Variants in CXorf38 observed in about 807,000 individuals in gnomAD.
CXorf38 encodes uncharacterized protein CXorf38.
In CXorf38, 13 loss-of-function variants were observed where a neutral mutation model predicts 27.5. The observed-to-expected ratio is 0.47, with a 90% CI of 0.31 to 0.75. The LOEUF (loss-of-function observed/expected upper bound fraction) is 0.75. Among genes scored for constraint, CXorf38 ranks in the 30% least tolerant of loss-of-function variants. CXorf38 has a pLI of 0.05. For synonymous variants in CXorf38, 100 were observed against 99.8 expected, an observed-to-expected ratio of 1.00 and a Z score of -0.01; for missense variants, 240 against 253.2, an observed-to-expected ratio of 0.95 and a Z score of 0.35.
rs1417001081 is a variant in CXorf38, at chrX:40,638,391, T to C, written c.471+618A>G. ...ATTATAACCAGTCCAGGTATAGCTATATACTCTTTCCAATGACCTTCAGGG... is the reference window on the plus strand; with the variant it reads ...ATTATAACCAGTCCAGGTATAGCTACATACTCTTTCCAATGACCTTCAGGG... On this transcript the variant is annotated intron_variant, in intron 3 of 6. Transcript: ENST00000327877. 2.9e-4 allele frequency among the ~76,000 whole-genome samples: 32 copies of C among 112,108 alleles called. No homozygotes were observed. In the Admixed American group the frequency reaches 3.0e-3, roughly 11 times the overall value.
At chrX:40,645,326 G>T (rs1928524070) in intron 2 of CXorf38, among the ~76,000 whole-genome samples, 1 of 111,261 alleles carries the variant, frequency 9.0e-6, no homozygotes, top group African/African-American at 3.3e-5. Flanking sequence ...GAGAGGATGG[G>T]GTTGGACTAG....
Position 40,637,000 on chromosome X carries a change from T to C in CXorf38, c.621+7A>G, listed in dbSNP as rs1355742936. On this transcript the variant is annotated splice_region_variant and intron_variant, in intron 4 of 6. Coordinates refer to ENST00000327877, the MANE Select transcript of CXorf38 (RefSeq NM_144970.3). Reference sequence around the variant, plus strand: ...TGTATGCCAGAACTATTAAACATGATTTTTACCTGTTCTATTCTGGAGTAT... The same window carrying C: ...TGTATGCCAGAACTATTAAACATGACTTTTACCTGTTCTATTCTGGAGTAT... 1 of 1,177,176 alleles carries C rather than the reference T, an allele frequency of 8.5e-7. No homozygotes were observed. Among genetic ancestry groups the C allele is most frequent in the Non-Finnish European group, 1.1e-6 (1 of 876,612 alleles).
Position 40,647,094 on chromosome X carries a change from C to A in CXorf38, c.264G>T (p.Leu88Phe), listed in dbSNP as rs988036372. 1.1e-5 allele frequency: 13 copies of A among 1,211,156 alleles called. No homozygotes were observed. Among genetic ancestry groups the A allele is most frequent in the Non-Finnish European group, 1.5e-5 (13 of 895,325 alleles). Residue 88 changes from leucine to phenylalanine, a missense_variant, in exon 2 of 7, where the codon TTG becomes TTT. Coordinates refer to ENST00000327877, the MANE Select transcript of CXorf38 (RefSeq NM_144970.3). The stretch of plus-strand genomic sequence containing the variant: ...CTCCATTTCTGTTGACATGATGTCT[C>A]AAAATCTCCCTTTTCCATTCAGCGC... The part of the protein sequence containing the change: ...QVCAEWKREI[L>F]RHHVNRNGDV...
chrX:40,631,508 G>A (rs1395936459), intron 5 of CXorf38, among the ~76,000 whole-genome samples: 3 of 110,872 alleles, frequency 2.7e-5, no homozygotes, highest in Non-Finnish European at 5.7e-5. Context: ...GTTTTGCCAT[G>A]TTGGCCAGGC....
intron 3 of CXorf38, among the ~76,000 whole-genome samples, chrX:40,637,849 G>A (rs1928143913): frequency 9.0e-6 from 1 of 111,583 alleles, no homozygotes; most frequent in African/African-American, 3.3e-5. Context: ...ATAACCTGTA[G>A]GTACCTGTCA....
At chrX:40,631,279 ACACACACACAC>A (rs1927787880) in intron 5 of CXorf38, among the ~76,000 whole-genome samples, 1 of 101,932 alleles carries the variant, frequency 9.8e-6, no homozygotes, top group Non-Finnish European at 2.0e-5. Context: ...ACACACACAC[ACACACACACAC>A]GTGTATGTGT....
rs188207152 is a variant in CXorf38 at position 40,627,457 on chromosome X, C to G, written c.*2707G>C. On this transcript the variant is annotated 3_prime_UTR_variant, in exon 7 of 7. Transcript: ENST00000327877. Reference sequence around the variant, plus strand: ...CCGCCCTACTCAGCCTCCCAAAGTGCTGGGATTACAGGCGCGAGTCACTGC... The same window carrying G: ...CCGCCCTACTCAGCCTCCCAAAGTGGTGGGATTACAGGCGCGAGTCACTGC... 0.055 allele frequency: 6,179 copies of G among 112,555 alleles called. 271 individuals carry two copies. Among genetic ancestry groups the G allele is most frequent in the African/African-American group, 0.15 (4,786 of 30,904 alleles). The allele number at this position is 112,555 out of a possible 1,213,427, so 9.3% of individuals were successfully genotyped here.
chrX:40,638,498 A>G (rs964766234), intron 3 of CXorf38, among the ~76,000 whole-genome samples: 10 of 112,449 alleles, frequency 8.9e-5, no homozygotes, highest in Admixed American at 2.8e-4. Context: ...ACAGTGATCT[A>G]TTCTGACACT....
intron 3 of CXorf38, among the ~76,000 whole-genome samples, chrX:40,638,638 A>AT (rs776365755): frequency 2.7e-5 from 3 of 111,683 alleles, no homozygotes; most frequent in East Asian, 2.8e-4. Context: ...AATGTTCTGT[A>AT]TTTTTTTTAA....
At chrX:40,646,246 G>GCAAT in intron 2 of CXorf38, among the ~76,000 whole-genome samples, 1 of 59,891 alleles carries the variant, frequency 1.7e-5, no homozygotes, top group Non-Finnish European at 3.0e-5. Flanking sequence ...GCGCCCGGCC[G>GCAAT]TCCTTTCATT....
At chrX:40,635,974 G>A (rs774741193) in intron 5 of CXorf38, among the ~76,000 whole-genome samples, 133 of 112,402 alleles carry the variant, frequency 1.2e-3, no homozygotes, top group Non-Finnish European at 2.3e-3. Context: ...ACTGCTTTTT[G>A]GGAATGAAGC....
intron 5 of CXorf38, among the ~76,000 whole-genome samples, chrX:40,633,214 C>A (rs1376755954): frequency 1.3e-4 from 14 of 110,832 alleles, no homozygotes; most frequent in Admixed American, 1.9e-4. Context: ...ACCACTTTAG[C>A]CAGTGGCTCC....
At position 40,636,481 on chromosome X, in the gene CXorf38, ATCTT is replaced by A. The variant is rs757766763; in HGVS notation, c.801+48_801+51del. On this transcript the variant is annotated intron_variant, in intron 5 of 6. Coordinates refer to ENST00000327877, the MANE Select transcript of CXorf38 (RefSeq NM_144970.3). ...AGATGAGCTACTCTTCCTCCCCAGA[ATCTT>A]TCTTTGTGTTGTTAACTCACACAGA... The A allele has an allele frequency of 2.3e-4, 187 of 813,349 alleles. No individual in the cohort carries two copies. The African/African-American group carries it at 3.6e-3, about 16-fold the overall frequency. The allele number at this position is 813,349 out of a possible 1,213,427, so 67.0% of individuals were successfully genotyped here. A position where few individuals can be genotyped will look rare whatever the true frequency, so the allele number is the denominator to read the frequency against.
At chrX:40,640,530 C>T (rs1387599814) in intron 2 of CXorf38, among the ~76,000 whole-genome samples, 1 of 104,779 alleles carries the variant, frequency 9.5e-6, no homozygotes, top group African/African-American at 3.4e-5. Context: ...TGAAATCATA[C>T]ACCTGAGCCC....
chrX:40,641,208 C>T (rs973438293), intron 2 of CXorf38, among the ~76,000 whole-genome samples: 3 of 110,971 alleles, frequency 2.7e-5, no homozygotes, highest in Non-Finnish European at 5.7e-5. Flanking sequence ...CAGTGCAAGA[C>T]CCTGTCTCAA....
chrX:40,630,763 C>A lies in CXorf38; in HGVS notation c.812G>T (p.Arg271Leu). 8.3e-7 allele frequency: 1 copy of A among 1,209,009 alleles called. No homozygotes were observed. The highest frequency in any genetic ancestry group is 1.1e-6 in the Non-Finnish European group (1 of 894,060). Residue 271 changes from arginine to leucine, a missense_variant, in exon 6 of 7, where the codon CGA becomes CTA. Coordinates refer to ENST00000327877, the MANE Select transcript of CXorf38 (RefSeq NM_144970.3). Reference sequence around the variant, plus strand: ...CAGAAATTCCTTCACCACTTCCAGTCGATTTGAGAGCTGCAAGAGGAAACC... The same window carrying A: ...CAGAAATTCCTTCACCACTTCCAGTAGATTTGAGAGCTGCAAGAGGAAACC... Reference protein sequence around the residue: ...QEVLPEELSNRLEVVKEFLRN... With the variant: ...QEVLPEELSNLLEVVKEFLRN...
chrX:40,640,102 C>T (rs759463901), intron 2 of CXorf38: 29 of 266,430 alleles, frequency 1.1e-4, no homozygotes, highest in Non-Finnish European at 1.8e-4. Context: ...CCCAGCACTT[C>T]GGGAGGCAAA....
At chrX:40,637,264 C>T in intron 3 of CXorf38, 108 bp from the exon 4 acceptor site, 2 of 555,502 alleles carry the variant, frequency 3.6e-6, no homozygotes, top group Non-Finnish European at 5.5e-6. Context: ...ATTATAAAAT[C>T]AACAAGAGCA....
At chrX:40,643,740 C>G (rs1928450763) in intron 2 of CXorf38, among the ~76,000 whole-genome samples, 1 of 111,310 alleles carries the variant, frequency 9.0e-6, no homozygotes, top group South Asian at 3.8e-4. Context: ...GAACTCCTGA[C>G]CTCAGGTGAT....
Sources: allele counts gnomAD v4.1 joint callset (sites outside exome capture counted in the v4.1 genomes callset), GRCh38; gene constraint gnomAD v4.1.1; transcripts MANE v1.5; gene names NCBI Gene and HGNC (gene_info 2026-07-23, HGNC 2026-07-21).